The following ILKAP variants were observed in gnomAD, a reference collection of about 807,000 sequenced individuals.
ILKAP encodes the protein ILK associated serine/threonine phosphatase.
ILKAP carries 11 observed loss-of-function variants against 49.1 expected under a neutral mutation model. The observed-to-expected ratio is 0.22, with a 90% CI of 0.14 to 0.37. ILKAP has a LOEUF of 0.37. ILKAP is among the 10% of genes least tolerant of loss of function. The pLI is 1.00. For synonymous variants in ILKAP, 186 were observed against 192.8 expected, an observed-to-expected ratio of 0.96 and a Z score of 0.29; for missense variants, 363 against 510.8, an observed-to-expected ratio of 0.71 and a Z score of 2.79.
At chr2:238,185,043 C>A in intron 6 of ILKAP, 138 bp downstream of exon 6, 1 of 567,598 alleles carries the variant, frequency 1.8e-6, no homozygotes. Context: ...GCCTTGGCAT[C>A]CACTCCTCAG....
chr2:238,170,470 T>C lies in ILKAP; in HGVS notation c.*66A>G, dbSNP rs1272191647. ...CCACAGGAGTACACAAAACACACAA[T>C]GTGCACACACACAAAATGAACCTTT... On this transcript the variant is annotated 3_prime_UTR_variant, in exon 12 of 12. Coordinates refer to ENST00000254654, the MANE Select transcript of ILKAP (RefSeq NM_030768.3). 6.0e-6 allele frequency: 9 copies of C among 1,506,600 alleles called. No individual in the cohort carries two copies. The highest frequency in any genetic ancestry group is 4.6e-5 in the East Asian group (2 of 43,518). 93.3% of individuals were successfully genotyped at this position (1,506,600 alleles called of 1,614,324 possible). A position where few individuals can be genotyped will look rare whatever the true frequency, so the allele number is the denominator to read the frequency against.
At chr2:238,201,436 G>A (rs1352567136) in intron 1 of ILKAP, among the ~76,000 whole-genome samples, 1 of 152,190 alleles carries the variant, frequency 6.6e-6, no homozygotes, top group Non-Finnish European at 1.5e-5. Context: ...TGTTGACAAT[G>A]TCAGTGCCCT....
chr2:238,185,802 TAA>T (rs200520377), intron 5 of ILKAP: 5 of 136,622 alleles, frequency 3.7e-5, no homozygotes, highest in Non-Finnish European at 4.8e-5. Flanking sequence ...AGATTCTGTC[TAA>T]AAAAAAAAAA....
rs570480840 is a variant in ILKAP, at chr2:238,198,739, T to C, written c.56-3869A>G. Among the ~76,000 whole-genome samples the C allele has an allele frequency of 3.3e-5, 5 of 152,240 alleles. No homozygotes were observed. The South Asian group carries it at 8.3e-4, about 25-fold the overall frequency. ...TAGAACTTTTTTTTTTCCTCAGTTA[T>C]CTACATTCTGGAGCTAAGTCTACTG... On this transcript the variant is annotated intron_variant, in intron 1 of 11. Coordinates refer to ENST00000254654, the MANE Select transcript of ILKAP (RefSeq NM_030768.3).
At chr2:238,199,965 T>C (rs962404554) in intron 1 of ILKAP, among the ~76,000 whole-genome samples, 41 of 152,164 alleles carry the variant, frequency 2.7e-4, no homozygotes, top group African/African-American at 9.7e-4. Flanking sequence ...AAATATTTTA[T>C]TTCCTCCTCA....
At chr2:238,173,506 C>T (rs776031689) in intron 10 of ILKAP, 28 bp downstream of exon 10, 1 of 1,580,360 alleles carries the variant, frequency 6.3e-7, no homozygotes, top group South Asian at 1.1e-5. Context: ...CATGCACACA[C>T]ACCTGTGCCT....
intron 1 of ILKAP, among the ~76,000 whole-genome samples, chr2:238,202,903 A>C (rs1369342210): frequency 6.6e-6 from 1 of 151,574 alleles, no homozygotes; most frequent in African/African-American, 2.4e-5. Flanking sequence ...AAAAAAAAAA[A>C]CTACTGTTAA....
At chr2:238,194,991 T>C (rs974803939) in intron 1 of ILKAP, 121 bp from the exon 2 acceptor site, 1 of 772,584 alleles carries the variant, frequency 1.3e-6, no homozygotes, top group Non-Finnish European at 2.2e-6. Flanking sequence ...TCTAATTTTC[T>C]CCTTCCTGTT....
intron 9 of ILKAP, among the ~76,000 whole-genome samples, chr2:238,179,290 G>A (rs1269634760): frequency 6.6e-6 from 1 of 152,202 alleles, no homozygotes; most frequent in Non-Finnish European, 1.5e-5. Context: ...GAAAGAAGCA[G>A]AGGAGTGAAA....
intron 9 of ILKAP, among the ~76,000 whole-genome samples, chr2:238,181,793 A>G (rs894394346): frequency 6.6e-6 from 1 of 152,092 alleles, no homozygotes; most frequent in Non-Finnish European, 1.5e-5. Flanking sequence ...AAGTGACAGT[A>G]TTTAAGAAAC....
Position 238,170,606 on chromosome 2 carries a change from A to T in ILKAP, c.1109T>A (p.Leu370Gln). The T allele has an allele frequency of 6.2e-7, 1 of 1,607,368 alleles. No homozygotes were observed. The highest frequency in any genetic ancestry group is 8.5e-7 in the Non-Finnish European group (1 of 1,174,652). Reference protein sequence around the residue: ...DARYEAACNRLANKAVQRGSA... With the variant: ...DARYEAACNRQANKAVQRGSA... Reference sequence around the variant, plus strand: ...GCCCCGCTGCACCGCCTTGTTGGCCAGCCTGTTGCAGGCTGCTTCGTAGCG... The same window carrying T: ...GCCCCGCTGCACCGCCTTGTTGGCCTGCCTGTTGCAGGCTGCTTCGTAGCG... Residue 370 changes from leucine (L) to glutamine (Q), a missense_variant, in exon 12 of 12, where the codon CTG becomes CAG. Coordinates refer to ENST00000254654, the MANE Select transcript of ILKAP (RefSeq NM_030768.3).
At chr2:238,189,286 G>T (rs560429858) in intron 4 of ILKAP, among the ~76,000 whole-genome samples, 1 of 151,848 alleles carries the variant, frequency 6.6e-6, no homozygotes, top group Admixed American at 6.6e-5. Context: ...CTCCAGCCTG[G>T]GCGACAGAGC....
chr2:238,184,748 G>T (rs1359485690), intron 6 of ILKAP, among the ~76,000 whole-genome samples: 1 of 147,084 alleles, frequency 6.8e-6, no homozygotes, highest in Non-Finnish European at 1.5e-5. Flanking sequence ...TTTTTTTATA[G>T]AGATAGAGTC....
chr2:238,189,887 G>A lies in ILKAP; in HGVS notation c.264C>T (p.Gly88=). ...CTTTCTTTTCCACAAGCTCTTCACT[G>A]CCATTCTTCTCTTCCTCGGAGGTTT... ...KRKTSEEEKN[G]SEELVEKKVC... Residue 88 remains glycine, a synonymous_variant, in exon 4 of 12, where the codon GGC becomes GGT. Coordinates refer to ENST00000254654, the MANE Select transcript of ILKAP (RefSeq NM_030768.3). 2 of 1,613,892 alleles carry A rather than the reference G, an allele frequency of 1.2e-6. No individual in the cohort carries two copies. Among genetic ancestry groups the A allele is most frequent in the Non-Finnish European group, 1.7e-6 (2 of 1,179,786 alleles).
At chr2:238,177,813 T>C (rs1277176602) in intron 9 of ILKAP, among the ~76,000 whole-genome samples, 1 of 152,204 alleles carries the variant, frequency 6.6e-6, no homozygotes, top group East Asian at 1.9e-4. Context: ...TGTCCCTGCT[T>C]TGAGTTCTTT....
chr2:238,170,643 C>A lies in ILKAP; in HGVS notation c.1072G>T (p.Ala358Ser). ...EKIQTREGKSAADARYEAACN... is the reference protein window; with the variant it reads ...EKIQTREGKSSADARYEAACN... The stretch of plus-strand genomic sequence containing the variant: ...GCTGCTTCGTAGCGGGCGTCGGCTG[C>A]GGACTTCCCTTCCCGGGTCTGGATC... The change falls in exon 12 of 12, where the codon GCA becomes TCA. Residue 358 changes from alanine to serine, a missense_variant. Transcript: ENST00000254654. The A allele has an allele frequency of 6.3e-7, 1 of 1,599,868 alleles. No homozygotes were observed. Among genetic ancestry groups the A allele is most frequent in the African/African-American group, 1.3e-5 (1 of 74,746 alleles).
chr2:238,194,424 T>G, intron 2 of ILKAP, 93 bp from the exon 3 acceptor site: 1 of 1,161,374 alleles, frequency 8.6e-7, no homozygotes, highest in South Asian at 1.3e-5. Flanking sequence ...TGTAGGTTAC[T>G]GAAATAAACT....
intron 1 of ILKAP, among the ~76,000 whole-genome samples, chr2:238,202,917 T>A (rs192211535): frequency 1.3e-5 from 2 of 151,012 alleles, no homozygotes; most frequent in Non-Finnish European, 2.9e-5. Context: ...CTGTTAATTA[T>A]CACAAAATCA....
rs574685113 is a variant in ILKAP, at chr2:238,180,081, G to A, written c.836+1984C>T. On this transcript the variant is annotated intron_variant, in intron 9 of 11. Transcript: ENST00000254654. ...AGCTACTTGGGAGGCTGAGGCTGGA[G>A]GATCGCTTCAACCTCAGAGGTCAAG... Among the ~76,000 whole-genome samples, 38 of 152,116 alleles carry A rather than the reference G, an allele frequency of 2.5e-4. 1 individual carries two copies. In the South Asian group the frequency reaches 7.9e-3, roughly 32 times the overall value.
Sources: allele counts gnomAD v4.1 joint callset (sites outside exome capture counted in the v4.1 genomes callset), GRCh38; gene constraint gnomAD v4.1.1; transcripts MANE v1.5; gene names NCBI Gene and HGNC (gene_info 2026-07-23, HGNC 2026-07-21).